Variants in BCCIP observed in about 807,000 individuals in gnomAD.
The protein encoded by BCCIP is BRCA2 and CDKN1A interacting protein.
In BCCIP, 23 loss-of-function variants were observed where a neutral mutation model predicts 32.8. The ratio of observed to expected loss-of-function variants is 0.70; its 90% CI spans 0.51 to 0.99. The LOEUF is 0.99. BCCIP is among the 50% of genes least tolerant of loss of function. The pLI, the probability that BCCIP is intolerant of heterozygous loss-of-function variation, is 0.00. For missense variants in BCCIP, 378 were observed against 379.8 expected (o/e 1.00, Z 0.04); for synonymous variants, 144 against 137.6 (o/e 1.05, Z -0.33).
intron 7 of BCCIP, among the ~76,000 whole-genome samples, chr10:125,850,973 A>G (rs1016102027): frequency 5.3e-5 from 8 of 152,190 alleles, no homozygotes; most frequent in South Asian, 2.1e-4. Flanking sequence ...TCCTACCCCA[A>G]TGGACAGTGA....
Position 125,836,120 on chromosome 10 carries a change from T to A in BCCIP, c.791T>A (p.Phe264Tyr). 1 of 1,611,510 alleles carries A rather than the reference T, an allele frequency of 6.2e-7. No individual in the cohort carries two copies. The highest frequency in any genetic ancestry group is 8.5e-7 in the Non-Finnish European group (1 of 1,178,222). ...TTGGTTTAGAAGGCAATTCTCAAGT[T>A]CAACTACTCAGTGCAGGAGGAGAGC... ...EFFYEKAILK[F>Y]NYSVQEESDT... Residue 264 changes from phenylalanine (F) to tyrosine (Y), a missense_variant, in exon 7 of 7, where the codon TTC becomes TAC. Transcript: ENST00000278100.
intron 5 of BCCIP, among the ~76,000 whole-genome samples, chr10:125,832,443 C>T (rs895160109): frequency 4.6e-5 from 7 of 152,130 alleles, no homozygotes; most frequent in African/African-American, 1.7e-4. Flanking sequence ...GAAACCTTTA[C>T]GTTTGCTGTT....
At chr10:125,841,893 GATA>G in exon 7 of BCCIP, 1 of 1,609,098 alleles carries the variant, frequency 6.2e-7, no homozygotes, top group Non-Finnish European at 8.5e-7. Flanking sequence ...AGTGCTGCCA[GATA>G]ATCTAAGTCT....
intron 7 of BCCIP, among the ~76,000 whole-genome samples, chr10:125,849,511 G>A (rs540621635): frequency 6.6e-6 from 1 of 152,148 alleles, no homozygotes; most frequent in Non-Finnish European, 1.5e-5. Flanking sequence ...AGTAACTTTT[G>A]TGTAGCCTTT....
Position 125,823,580 on chromosome 10 carries a change from G to C in BCCIP, c.23G>C (p.Arg8Pro), listed in dbSNP as rs772091914. The C allele has an allele frequency of 3.3e-5, 53 of 1,613,880 alleles. No individual in the cohort carries two copies. The highest frequency in any genetic ancestry group is 4.3e-5 in the Non-Finnish European group (51 of 1,179,950). Residue 8 changes from arginine (R) to proline (P), a missense_variant, in exon 1 of 7, where the codon CGT becomes CCT. Transcript: ENST00000278100. ...AACATGGCGTCCAGGTCTAAGCGGC[G>C]TGCCGTGGAAAGTGGGGTTCCGCAG... The part of the protein sequence containing the change: MASRSKR[R>P]AVESGVPQPP...
At chr10:125,841,284 T>C, downstream of BCCIP, 2 of 1,613,996 alleles carry the variant, frequency 1.2e-6, no homozygotes, top group South Asian at 1.1e-5. Flanking sequence ...TGCTTGGAGG[T>C]CCAGACACAA....
chr10:125,824,699 T>C (rs1854321107), intron 1 of BCCIP, among the ~76,000 whole-genome samples: 1 of 152,230 alleles, frequency 6.6e-6, no homozygotes, highest in Non-Finnish European at 1.5e-5. Flanking sequence ...TTTTCTCCAT[T>C]TTTGTTCCCC....
intron 6 of BCCIP, among the ~76,000 whole-genome samples, chr10:125,834,836 C>A (rs201068754): frequency 4.6e-5 from 4 of 87,446 alleles, no homozygotes; most frequent in African/African-American, 1.2e-4. Flanking sequence ...AAACAAAAAA[C>A]ACAAAAACAT....
chr10:125,840,769 T>C, downstream of BCCIP: 2 of 1,435,994 alleles, frequency 1.4e-6, no homozygotes. Context: ...GAATGTTTGA[T>C]GAATAACTAA....
intron 7 of BCCIP, among the ~76,000 whole-genome samples, chr10:125,850,708 A>G (rs373174870): frequency 3.3e-5 from 5 of 152,232 alleles, no homozygotes; most frequent in Admixed American, 1.3e-4. Context: ...TGCCTTATCT[A>G]ACGTGCCATG....
At chr10:125,853,199 G>C (rs756450826) in exon 8 of BCCIP, 1 of 1,612,706 alleles carries the variant, frequency 6.2e-7, no homozygotes, top group East Asian at 2.2e-5. Flanking sequence ...AACTCTAAGT[G>C]ATTTCCAGGG....
At chr10:125,829,037 C>T (rs1375101536) in intron 3 of BCCIP, among the ~76,000 whole-genome samples, 2 of 152,146 alleles carry the variant, frequency 1.3e-5, no homozygotes, top group Non-Finnish European at 1.5e-5. Flanking sequence ...CCACCATTTG[C>T]TTAGTCTTTA....
chr10:125,831,817 T>C (rs1804892353), intron 5 of BCCIP, among the ~76,000 whole-genome samples: 1 of 152,182 alleles, frequency 6.6e-6, no homozygotes, highest in Non-Finnish European at 1.5e-5. Context: ...AATCATGAAA[T>C]TTTAACTTAA....
downstream of BCCIP, chr10:125,836,954 C>A: frequency 1.0e-6 from 1 of 987,268 alleles, no homozygotes; most frequent in East Asian, 2.5e-5. Flanking sequence ...GAGAATCTAC[C>A]TGTAGAACCG....
exon 8 of BCCIP, chr10:125,853,525 C>T (rs1183682445): frequency 4.6e-6 from 1 of 219,128 alleles, no homozygotes; most frequent in Admixed American, 5.7e-5. Context: ...ATACTTGAAA[C>T]AAGTTTCTAG....
At chr10:125,838,152 C>T, downstream of BCCIP, 2 of 1,487,986 alleles carry the variant, frequency 1.3e-6, no homozygotes, top group Admixed American at 2.4e-5. Flanking sequence ...TCATTTACTC[C>T]TACAGGTATG....
chr10:125,841,085 GT>G (rs1235708319), downstream of BCCIP: 1 of 1,460,374 alleles, frequency 6.8e-7, no homozygotes, highest in Non-Finnish European at 9.3e-7. Context: ...ACGACTGTTA[GT>G]GGCATGGCTC....
At chr10:125,838,926 G>T, downstream of BCCIP, 1 of 1,427,736 alleles carries the variant, frequency 7.0e-7, no homozygotes, top group Non-Finnish European at 9.5e-7. Flanking sequence ...ATCATCCTAA[G>T]CCATTGTTGG....
At chr10:125,836,912 C>A, downstream of BCCIP, 2 of 1,500,214 alleles carry the variant, frequency 1.3e-6, no homozygotes, top group South Asian at 1.2e-5. Flanking sequence ...TGAGAGACAC[C>A]AAACATTATG....
Sources: gnomAD v4.1 joint callset for allele counts (sites outside exome capture counted in the v4.1 genomes callset) on GRCh38, gnomAD v4.1.1 for gene constraint, MANE v1.5 for transcripts, NCBI Gene and HGNC (gene_info 2026-07-23, HGNC 2026-07-21) for gene names.